The following GAS7 variants were observed in gnomAD, a reference collection of about 807,000 sequenced individuals.
The protein encoded by GAS7 is growth arrest-specific protein 7.
Under a neutral mutation model 71.1 loss-of-function variants are expected in GAS7, and 28 were observed. The observed-to-expected ratio is 0.39, with a 90% CI of 0.29 to 0.54. The LOEUF (loss-of-function observed/expected upper bound fraction) is 0.54, where lower values mean the gene tolerates loss of function less well. GAS7 is among the 20% of genes least tolerant of loss of function. The probability of loss-of-function intolerance (pLI) is 0.62; values close to 1 mark genes in which losing one functional copy is unlikely to be tolerated. For synonymous variants in GAS7, 258 were observed against 245.8 expected (o/e 1.05, Z -0.46); for missense variants, 436 against 627.8 (o/e 0.69, Z 3.27).
Position 10,107,010 on chromosome 17 carries a change from C to T in GAS7, c.184-87113G>A, listed in dbSNP as rs114686437. Among the ~76,000 whole-genome samples the T allele has an allele frequency of 6.3e-3, 953 of 152,158 alleles. 8 individuals are homozygous for T. The highest frequency in any genetic ancestry group is 0.022 in the African/African-American group (919 of 41,502). ...CCCACTGGACTGTGGTAAGGTGGTT[C>T]CTTACACCAAGGTGGAAACAGGCGC... On this transcript the variant is annotated intron_variant, in intron 1 of 13. Coordinates refer to ENST00000432992, the MANE Select transcript of GAS7 (RefSeq NM_201433.2).
chr17:10,172,242 C>A (rs1469120397), intron 1 of GAS7, among the ~76,000 whole-genome samples: 1 of 152,160 alleles, frequency 6.6e-6, no homozygotes, highest in Non-Finnish European at 1.5e-5. Flanking sequence ...GCCATGGCAG[C>A]CCTCATTCCA....
intron 1 of GAS7, among the ~76,000 whole-genome samples, chr17:10,077,724 T>C (rs2073410538): frequency 6.6e-6 from 1 of 152,176 alleles, no homozygotes; most frequent in Non-Finnish European, 1.5e-5. Context: ...AACAGGGCAA[T>C]GAGGCAACTT....
chr17:9,941,046 C>G (rs1484172637), intron 7 of GAS7, among the ~76,000 whole-genome samples: 3 of 152,232 alleles, frequency 2.0e-5, no homozygotes, highest in Non-Finnish European at 2.9e-5. Flanking sequence ...ACAGCGTTTG[C>G]TTCCCAGCTG....
chr17:10,198,391 G>A lies in GAS7; in HGVS notation c.-1C>T, dbSNP rs1567629668. 1 of 1,575,444 alleles carries A rather than the reference G, an allele frequency of 6.3e-7. No individual in the cohort carries two copies. Among genetic ancestry groups the A allele is most frequent in the Non-Finnish European group, 8.6e-7 (1 of 1,169,554 alleles). On this transcript the variant is annotated 5_prime_UTR_variant, in exon 1 of 14. Coordinates refer to ENST00000432992, the MANE Select transcript of GAS7 (RefSeq NM_201433.2). ...GGGTCCGGCAGCGAGCGCCGGACAT[G>A]GCCTTGGCGCCCGGGTTCACAGCGC...
intron 1 of GAS7, among the ~76,000 whole-genome samples, chr17:10,191,079 G>A (rs927253889): frequency 1.3e-5 from 2 of 152,052 alleles, no homozygotes; most frequent in Non-Finnish European, 2.9e-5. Context: ...GGAGGCTGAG[G>A]TAGGAGGATC....
chr17:10,000,893 C>T (rs990698808), intron 2 of GAS7, among the ~76,000 whole-genome samples: 14 of 152,140 alleles, frequency 9.2e-5, no homozygotes, highest in African/African-American at 2.7e-4. Flanking sequence ...AGAAAGCAAG[C>T]GAAGTCTTGG....
intron 1 of GAS7, among the ~76,000 whole-genome samples, chr17:10,094,683 T>C (rs550325275): frequency 2.6e-5 from 4 of 152,150 alleles, no homozygotes; most frequent in South Asian, 2.1e-4. Flanking sequence ...TTAGCCAGGA[T>C]AGTCTCGATC....
Position 9,926,870 on chromosome 17 carries a change from G to A in GAS7, c.886-101C>T, listed in dbSNP as rs2068022286. The A allele has an allele frequency of 7.8e-7, 1 of 1,278,772 alleles. No individual in the cohort carries two copies. The highest frequency in any genetic ancestry group is 1.1e-6 in the Non-Finnish European group (1 of 882,988). 79.2% of individuals were successfully genotyped at this position (1,278,772 alleles called of 1,614,324 possible). A position where few individuals can be genotyped will look rare whatever the true frequency, so the allele number is the denominator to read the frequency against. ...GGGGCACCCCCACTTCCCCAGGCAAGTGAGGATGAGTCTGGGGTAGCGACC... is the reference window on the plus strand; with the variant it reads ...GGGGCACCCCCACTTCCCCAGGCAAATGAGGATGAGTCTGGGGTAGCGACC... On this transcript the variant is annotated intron_variant, in intron 9 of 13. Transcript: ENST00000432992. This position sits in a 1 kb window ranked among gnomAD's most constrained non-coding sequence, Gnocchi z 5.0.
chr17:10,000,957 C>T (rs1289232149), intron 2 of GAS7, among the ~76,000 whole-genome samples: 1 of 152,148 alleles, frequency 6.6e-6, no homozygotes, highest in African/African-American at 2.4e-5. Context: ...CACTCCTTCT[C>T]CAGTGGCAGA....
At chr17:10,113,077 C>T (rs2073829180) in intron 1 of GAS7, among the ~76,000 whole-genome samples, 1 of 152,110 alleles carries the variant, frequency 6.6e-6, no homozygotes, top group Non-Finnish European at 1.5e-5. Flanking sequence ...CATCCACTCA[C>T]TGCCTGCATG....
intron 1 of GAS7, among the ~76,000 whole-genome samples, chr17:10,133,941 A>T (rs184991092): frequency 6.6e-6 from 1 of 152,290 alleles, no homozygotes; most frequent in East Asian, 1.9e-4. Flanking sequence ...TTCCATACCC[A>T]AAAATCCAAA....
At chr17:10,173,743 G>A (rs1366395330) in intron 1 of GAS7, among the ~76,000 whole-genome samples, 1 of 151,816 alleles carries the variant, frequency 6.6e-6, no homozygotes. Flanking sequence ...ACTGCAGCCT[G>A]GGGGACAGAG....
intron 1 of GAS7, among the ~76,000 whole-genome samples, chr17:10,140,761 C>A (rs1196084243): frequency 6.6e-6 from 1 of 152,166 alleles, no homozygotes; most frequent in African/African-American, 2.4e-5. Context: ...CCTAGAGAAG[C>A]TGGAGATGGA....
intron 1 of GAS7, among the ~76,000 whole-genome samples, chr17:10,035,627 A>G (rs116309800): frequency 0.026 from 3,884 of 152,206 alleles, 174 homozygotes; most frequent in African/African-American, 0.088. Flanking sequence ...CAGCCTTTCC[A>G]TGCAACCTGG....
intron 1 of GAS7, among the ~76,000 whole-genome samples, chr17:10,058,593 C>T (rs1239845674): frequency 1.3e-5 from 2 of 152,260 alleles, no homozygotes; most frequent in Admixed American, 1.3e-4. Flanking sequence ...TCGGACAACT[C>T]CTCTGGCTGG....
At chr17:9,955,239 A>T (rs16959070) in intron 5 of GAS7, among the ~76,000 whole-genome samples, 1 of 152,158 alleles carries the variant, frequency 6.6e-6, no homozygotes, top group Non-Finnish European at 1.5e-5. Context: ...AAGGTGGGAC[A>T]GGACTTTCCG....
intron 1 of GAS7, among the ~76,000 whole-genome samples, chr17:10,074,272 T>C (rs2073369736): frequency 6.6e-6 from 1 of 152,204 alleles, no homozygotes; most frequent in Non-Finnish European, 1.5e-5. Context: ...CTGGATTGAT[T>C]GCATATTCTT....
At chr17:9,941,117 C>T (rs990596061) in intron 7 of GAS7, among the ~76,000 whole-genome samples, 9 of 152,184 alleles carry the variant, frequency 5.9e-5, no homozygotes, top group African/African-American at 1.9e-4. Context: ...CAAAGTCTGG[C>T]GGCAGCATTC....
intron 1 of GAS7, among the ~76,000 whole-genome samples, chr17:10,111,287 A>C (rs11650297): frequency 1 from 151,476 of 151,508 alleles, 75,722 homozygotes; most frequent in Middle Eastern, 1. Flanking sequence ...GTAATCCCAC[A>C]ACTTTGGGAG....
Sources: allele counts gnomAD v4.1 joint callset (sites outside exome capture counted in the v4.1 genomes callset), GRCh38; gene constraint gnomAD v4.1.1; non-coding constraint Gnocchi (gnomAD v3.1); transcripts MANE v1.5; gene names NCBI Gene and HGNC (gene_info 2026-07-23, HGNC 2026-07-21).